Variants in DMD observed in about 807,000 individuals in gnomAD.
DMD encodes mutant dystrophin.
In DMD, 63 loss-of-function variants were observed where a neutral mutation model predicts 330.1. That is an observed-to-expected ratio of 0.19 (90% CI 0.16 to 0.24). The LOEUF is 0.24. DMD is among the 10% of genes least tolerant of loss of function. The pLI is 1.00. For missense variants in DMD, 3,344 were observed against 2,684.1 expected (o/e 1.25, Z -5.43); for synonymous variants, 1,223 against 959.8 (o/e 1.27, Z -5.07).
rs2147473556 is a variant in DMD at position 32,380,690 on chromosome X, A to G, written c.4675-10T>C. ...GCTTTCTTTCTGTTACCTGAAAAGA[A>G]TTATAATGAAATGTAATTTAGTTTA... On this transcript the variant is annotated splice_polypyrimidine_tract_variant and intron_variant, in intron 33 of 78. Transcript: ENST00000357033. 8.3e-7 allele frequency: 1 copy of G among 1,197,954 alleles called. No individual in the cohort carries two copies.
intron 60 of DMD, among the ~76,000 whole-genome samples, chrX:31,394,908 A>G (rs908995298): frequency 1.1e-5 from 1 of 91,086 alleles, no homozygotes; most frequent in African/African-American, 4.8e-5. Flanking sequence ...TTGCAGCTTT[A>G]GTTTCATTAC....
chrX:32,517,937 C>T, intron 18 of DMD, 71 bp downstream of exon 18: 1 of 1,086,679 alleles, frequency 9.2e-7, no homozygotes, highest in African/African-American at 1.8e-5. Context: ...AGTAGAATCA[C>T]AGATAACAAA....
intron 47 of DMD, among the ~76,000 whole-genome samples, chrX:31,884,271 A>G (rs139736831): frequency 0.017 from 1,901 of 111,922 alleles, 17 homozygotes; most frequent in Non-Finnish European, 0.027. Context: ...ATGAACGGTT[A>G]AAGAAATTGC....
intron 1 of DMD, among the ~76,000 whole-genome samples, chrX:33,042,723 G>GT (rs755919364): frequency 1.2e-4 from 14 of 112,203 alleles, no homozygotes; most frequent in African/African-American, 4.5e-4. Context: ...ATTATTTGAG[G>GT]TTTTTTATGT....
At chrX:31,393,476 C>CAAAA (rs371796978) in intron 60 of DMD, among the ~76,000 whole-genome samples, 8 of 28,047 alleles carry the variant, frequency 2.9e-4, no homozygotes, top group Non-Finnish European at 5.3e-4. Flanking sequence ...GACTCCATCT[C>CAAAA]AAAAAAAAAA....
intron 43 of DMD, among the ~76,000 whole-genome samples, chrX:32,281,649 T>A (rs2072694975): frequency 8.9e-6 from 1 of 112,090 alleles, no homozygotes; most frequent in African/African-American, 3.2e-5. Flanking sequence ...CCTAATTTTT[T>A]AGTTTCATAT....
intron 21 of DMD, among the ~76,000 whole-genome samples, chrX:32,472,569 G>A (rs943701868): frequency 1.8e-5 from 2 of 110,770 alleles, no homozygotes; most frequent in Non-Finnish European, 3.8e-5. Flanking sequence ...TATAAGGTCA[G>A]GAAACAGAAA....
chrX:32,453,983 T>C (rs1455440020), intron 26 of DMD, among the ~76,000 whole-genome samples: 3 of 110,963 alleles, frequency 2.7e-5, no homozygotes, highest in African/African-American at 9.8e-5. Context: ...AGTTCATACA[T>C]TCAAGTGAGG....
intron 1 of DMD, among the ~76,000 whole-genome samples, chrX:33,277,890 T>C (rs965870606): frequency 7.7e-4 from 86 of 111,014 alleles, no homozygotes; most frequent in Non-Finnish European, 6.4e-4. Flanking sequence ...GGAGGATCGC[T>C]GGAGACCAGG....
chrX:32,601,389 T>G (rs748430600), intron 12 of DMD, among the ~76,000 whole-genome samples: 2 of 111,757 alleles, frequency 1.8e-5, no homozygotes, highest in Non-Finnish European at 3.8e-5. Context: ...ATCTTTTTGT[T>G]AGAAATGAAT....
At chrX:33,103,065 C>G (rs922378756) in intron 1 of DMD, among the ~76,000 whole-genome samples, 1 of 111,494 alleles carries the variant, frequency 9.0e-6, no homozygotes, top group South Asian at 3.8e-4. Flanking sequence ...GGAATGGACA[C>G]AGGAATGAGC....
At chrX:33,092,966 T>G (rs1231680959) in intron 1 of DMD, among the ~76,000 whole-genome samples, 1 of 111,103 alleles carries the variant, frequency 9.0e-6, no homozygotes, top group Non-Finnish European at 1.9e-5. Context: ...CTCCACCTCC[T>G]GGGTTCAAGC....
chrX:32,353,139 G>C (rs2097787405), intron 37 of DMD, among the ~76,000 whole-genome samples: 1 of 110,871 alleles, frequency 9.0e-6, no homozygotes, highest in Non-Finnish European at 1.9e-5. Context: ...GATAGCACCA[G>C]CCATTTGACA....
rs958231899 is a variant in DMD, at chrX:32,235,868, T to C, written c.6291-18805A>G. ...GTGTTTTTTAACTATGAAAATATTGTCATTGTATTAAAAAATAAGAATTTC... is the reference window on the plus strand; with the variant it reads ...GTGTTTTTTAACTATGAAAATATTGCCATTGTATTAAAAAATAAGAATTTC... On this transcript the variant is annotated intron_variant, in intron 43 of 78. Coordinates refer to ENST00000357033, the MANE Select transcript of DMD (RefSeq NM_004006.3). Among the ~76,000 whole-genome samples, 17 of 111,309 alleles carry C rather than the reference T, an allele frequency of 1.5e-4. No homozygotes were observed. In the East Asian group the frequency reaches 4.8e-3, roughly 32 times the overall value.
intron 1 of DMD, among the ~76,000 whole-genome samples, chrX:33,239,086 G>A (rs1317111113): frequency 2.8e-5 from 3 of 107,964 alleles, no homozygotes; most frequent in Admixed American, 1.0e-4. Context: ...GTGAAACACC[G>A]TCTCTACTAA....
At chrX:32,181,756 A>G (rs1373637359) in intron 44 of DMD, among the ~76,000 whole-genome samples, 2 of 111,335 alleles carry the variant, frequency 1.8e-5, no homozygotes, top group Non-Finnish European at 3.8e-5. Flanking sequence ...TGACAAGGAA[A>G]TTCCTAAAAA....
intron 44 of DMD, among the ~76,000 whole-genome samples, chrX:32,117,089 AT>A (rs1458655957): frequency 9.0e-6 from 1 of 111,486 alleles, no homozygotes; most frequent in African/African-American, 3.3e-5. Flanking sequence ...GCTTGAGTAA[AT>A]TTCCTCATGT....
At chrX:32,499,180 T>C (rs2043795183) in intron 19 of DMD, among the ~76,000 whole-genome samples, 1 of 112,047 alleles carries the variant, frequency 8.9e-6, no homozygotes, top group South Asian at 3.6e-4. Context: ...TTCTAAATTT[T>C]TAAAAAGTAG....
In DMD at chrX:32,715,894, T is replaced by C. The variant is rs1025772241; in HGVS notation, c.650-16601A>G. 1.6e-4 allele frequency among the ~76,000 whole-genome samples: 18 copies of C among 111,609 alleles called. 1 individual carries two copies. The highest frequency in any genetic ancestry group is 5.9e-4 in the African/African-American group (18 of 30,690). ...TAAGCAAGACACAGAAAGAAAAATA[T>C]TGCATGATCTCACTTGTTTGTGGAA... On this transcript the variant is annotated intron_variant, in intron 7 of 78. Coordinates refer to ENST00000357033, the MANE Select transcript of DMD (RefSeq NM_004006.3).
Sources: gnomAD v4.1 joint callset for allele counts (sites outside exome capture counted in the v4.1 genomes callset) on GRCh38, gnomAD v4.1.1 for gene constraint, MANE v1.5 for transcripts, NCBI Gene and HGNC (gene_info 2026-07-23, HGNC 2026-07-21) for gene names.